The following FMNL3 variants were observed in gnomAD, a reference collection of about 807,000 sequenced individuals.
FMNL3 encodes the protein formin like 3, also known as formin-like protein 3.
Under a neutral mutation model 119.6 loss-of-function variants are expected in FMNL3, and 57 were observed. That is an observed-to-expected ratio of 0.48 (90% CI 0.39 to 0.59). FMNL3 has a LOEUF of 0.59. Ranked by LOEUF, FMNL3 falls within the 20% of genes least tolerant of loss-of-function variation. The pLI, the probability that FMNL3 is intolerant of heterozygous loss-of-function variation, is 0.00. For synonymous variants in FMNL3, 491 were observed against 507.3 expected (o/e 0.97, Z 0.43); for missense variants, 1,053 against 1,323.5 (o/e 0.80, Z 3.17).
At chr12:49,650,907 G>A (rs749942950) in intron 16 of FMNL3, 29 bp from the exon 17 acceptor site, 1 of 1,612,090 alleles carries the variant, frequency 6.2e-7, no homozygotes, top group Non-Finnish European at 8.5e-7. Context: ...CAAGGAAAAC[G>A]CTGTAGCCTC....
intron 14 of FMNL3, 24 bp downstream of exon 14, chr12:49,651,909 G>T: frequency 6.4e-7 from 1 of 1,551,422 alleles, no homozygotes; most frequent in Non-Finnish European, 8.7e-7. Flanking sequence ...GCCCCTGTTG[G>T]CTCCCAGGGG....
chr12:49,696,310 G>C (rs1182492742), intron 1 of FMNL3, among the ~76,000 whole-genome samples: 1 of 152,084 alleles, frequency 6.6e-6, no homozygotes, highest in Admixed American at 6.6e-5. Flanking sequence ...TCCAAGCCTG[G>C]TCCTGGAACC....
In FMNL3 at chr12:49,653,842, C is replaced by T. The variant is rs1303215521; in HGVS notation, c.1104G>A (p.Gln368=). Residue 368 remains glutamine (Q), a synonymous_variant, in exon 12 of 26, where the codon CAG becomes CAA. Coordinates refer to ENST00000335154, the MANE Select transcript of FMNL3 (RefSeq NM_175736.5). ...TGTCCAGATATGCCTGAATCTGCAC[C>T]TGCAGCTTCTCGCTCTCTGTGTGCC... ...KSRHTESEKL[Q]VQIQAYLDNV... is the part of the protein sequence containing the mutation. 6.2e-7 allele frequency: 1 copy of T among 1,614,224 alleles called. No individual in the cohort carries two copies. The highest frequency in any genetic ancestry group is 2.2e-5 in the East Asian group (1 of 44,888).
intron 1 of FMNL3, among the ~76,000 whole-genome samples, chr12:49,676,796 C>T (rs759134286): frequency 3.5e-4 from 54 of 152,248 alleles, no homozygotes; most frequent in Admixed American, 1.2e-3. Context: ...TCCTATAGCA[C>T]AAATCACTTT....
chr12:49,688,602 T>C, intron 1 of FMNL3: 1 of 443,422 alleles, frequency 2.3e-6, no homozygotes, highest in African/African-American at 2.0e-5. Context: ...TATATAGCTA[T>C]GATGATGGCT....
Position 49,642,446 on chromosome 12 carries a change from C to G in FMNL3, c.*3369G>C. ...GGTGCTTCACCACTGAGGGCCCACCCCAGTCACGTCACAGCCCTGGGCCAG... is the reference window on the plus strand; with the variant it reads ...GGTGCTTCACCACTGAGGGCCCACCGCAGTCACGTCACAGCCCTGGGCCAG... On this transcript the variant is annotated 3_prime_UTR_variant, in exon 26 of 26. Coordinates refer to ENST00000335154, the MANE Select transcript of FMNL3 (RefSeq NM_175736.5). This position sits in a 1 kb window ranked among gnomAD's most constrained non-coding sequence, Gnocchi z 5.8. 1 of 1,574,438 alleles carries G rather than the reference C, an allele frequency of 6.4e-7. No individual in the cohort carries two copies. Among genetic ancestry groups the G allele is most frequent in the Non-Finnish European group, 8.7e-7 (1 of 1,146,770 alleles).
chr12:49,647,531 G>A lies in FMNL3; in HGVS notation c.2779-163C>T, dbSNP rs1430773485. Among the ~76,000 whole-genome samples the A allele has an allele frequency of 1.3e-5, 2 of 151,966 alleles. No homozygotes were observed. Among genetic ancestry groups the A allele is most frequent in the Non-Finnish European group, 2.9e-5 (2 of 68,000 alleles). On this transcript the variant is annotated intron_variant, in intron 23 of 25. Coordinates refer to ENST00000335154, the MANE Select transcript of FMNL3 (RefSeq NM_175736.5). This position sits in a 1 kb window ranked among gnomAD's most constrained non-coding sequence, Gnocchi z 4.9. The stretch of plus-strand genomic sequence containing the variant: ...CCCAAACAATGACAGGAAGGTCCTG[G>A]GCCCCACCCTGCCCACCAGTTCACA...
intron 6 of FMNL3, among the ~76,000 whole-genome samples, chr12:49,657,413 G>A (rs945398639): frequency 6.6e-6 from 1 of 152,150 alleles, no homozygotes; most frequent in African/African-American, 2.4e-5. Context: ...TCAGGATCCC[G>A]GTTTTATAAC....
At position 49,637,763 on chromosome 12, in the gene FMNL3, A is replaced by T. The variant is rs201538338; in HGVS notation, c.*8052T>A. 2.6e-5 allele frequency: 41 copies of T among 1,603,982 alleles called. No homozygotes were observed. Among genetic ancestry groups the T allele is most frequent in the Non-Finnish European group, 3.1e-5 (36 of 1,175,114 alleles). On this transcript the variant is annotated 3_prime_UTR_variant, in exon 26 of 26. Coordinates refer to ENST00000335154, the MANE Select transcript of FMNL3 (RefSeq NM_175736.5). ...ACCCCTCTGGACTTATTCAAGTTCT[A>T]TGTGGAGGAGTTGAAGGCACGATTC... is the stretch of plus-strand genomic sequence containing the variant.
chr12:49,696,222 A>C (rs1260309538), intron 1 of FMNL3, among the ~76,000 whole-genome samples: 3 of 152,200 alleles, frequency 2.0e-5, no homozygotes, highest in Non-Finnish European at 4.4e-5. Flanking sequence ...TATAATACAT[A>C]ATACAATTAA....
chr12:49,666,700 G>A (rs1943900016), intron 2 of FMNL3, among the ~76,000 whole-genome samples: 1 of 152,094 alleles, frequency 6.6e-6, no homozygotes, highest in Admixed American at 6.5e-5. Context: ...CTTAGGCTGA[G>A]GTGGGAGGAT....
intron 1 of FMNL3, among the ~76,000 whole-genome samples, chr12:49,674,649 C>T (rs1944135185): frequency 6.6e-6 from 1 of 152,198 alleles, no homozygotes; most frequent in African/African-American, 2.4e-5. Flanking sequence ...AATGGGTGCT[C>T]CTTAAGTGTC....
chr12:49,654,884 T>C, intron 10 of FMNL3, 26 bp downstream of exon 10: 1 of 1,610,670 alleles, frequency 6.2e-7, no homozygotes, highest in Non-Finnish European at 8.5e-7. Context: ...GGTGGGTATG[T>C]GCTGGACCCA....
chr12:49,669,360 CACT>C (rs1433695483), intron 1 of FMNL3, among the ~76,000 whole-genome samples: 7 of 152,166 alleles, frequency 4.6e-5, no homozygotes, highest in Admixed American at 3.9e-4. Flanking sequence ...TCTTGTTCAC[CACT>C]GTTTGGTGAC....
At chr12:49,683,845 AG>A (rs1359116906) in intron 1 of FMNL3, among the ~76,000 whole-genome samples, 1 of 152,192 alleles carries the variant, frequency 6.6e-6, no homozygotes, top group African/African-American at 2.4e-5. Flanking sequence ...CAGCTCTGAG[AG>A]GGTTCTCTGA....
At chr12:49,691,952 T>C (rs1464198911) in intron 1 of FMNL3, among the ~76,000 whole-genome samples, 1 of 149,932 alleles carries the variant, frequency 6.7e-6, no homozygotes, top group Admixed American at 6.7e-5. Context: ...GGAGAATTGT[T>C]TGAACCCGGG....
chr12:49,692,153 G>A (rs1944623723), intron 1 of FMNL3, among the ~76,000 whole-genome samples: 1 of 149,028 alleles, frequency 6.7e-6, no homozygotes, highest in African/African-American at 2.5e-5. Flanking sequence ...ATGAGTTCAA[G>A]AACAGCCTGG....
chr12:49,656,365 G>A (rs757572932), intron 9 of FMNL3, 39 bp downstream of exon 9: 40 of 1,538,996 alleles, frequency 2.6e-5, no homozygotes, highest in African/African-American at 6.8e-5. Flanking sequence ...CTTCTCCCCC[G>A]CAAACACACA....
chr12:49,676,024 AC>A (rs1389497594), intron 1 of FMNL3, among the ~76,000 whole-genome samples: 1 of 152,078 alleles, frequency 6.6e-6, no homozygotes, highest in African/African-American at 2.4e-5. Context: ...CTCCCTACCT[AC>A]TACCTACTAC....
Sources: allele counts gnomAD v4.1 joint callset (sites outside exome capture counted in the v4.1 genomes callset), GRCh38; gene constraint gnomAD v4.1.1; non-coding constraint Gnocchi (gnomAD v3.1); transcripts MANE v1.5; gene names NCBI Gene and HGNC (gene_info 2026-07-23, HGNC 2026-07-21).